GPR158: variants seen among roughly 807,000 people sequenced by gnomAD.
The protein encoded by GPR158 is G protein-coupled receptor 158.
A neutral mutation model predicts 78.2 loss-of-function variants in GPR158; 30 were observed. The ratio of observed to expected loss-of-function variants is 0.38; its 90% confidence interval spans 0.29 to 0.52. GPR158 has a LOEUF of 0.52. Ranked by LOEUF, GPR158 falls within the 20% of genes least tolerant of loss-of-function variation. The pLI, the probability that GPR158 is intolerant of heterozygous loss-of-function variation, is 0.83. For synonymous variants in GPR158, 581 were observed against 591.1 expected (o/e 0.98, Z 0.25); for missense variants, 1,463 against 1,523.5 (o/e 0.96, Z 0.66).
intron 4 of GPR158, among the ~76,000 whole-genome samples, chr10:25,438,731 G>A (rs1374722319): frequency 6.6e-6 from 1 of 152,174 alleles, no homozygotes; most frequent in Non-Finnish European, 1.5e-5. Flanking sequence ...TGGTTTCAAG[G>A]CATCTTGAGC....
In GPR158 at chr10:25,495,476, T is replaced by C. The variant is rs985906248; in HGVS notation, c.1404+28757T>C. Among the ~76,000 whole-genome samples the C allele has an allele frequency of 5.3e-5, 8 of 151,812 alleles. 1 individual carries two copies. Among genetic ancestry groups the C allele is most frequent in the Admixed American group, 4.6e-4 (7 of 15,222 alleles). ...CCCGGCCAATTTTTTGTATTTTTAG[T>C]AGAGACAGGGTTTCACCATGTTAGC... On this transcript the variant is annotated intron_variant, in intron 5 of 10. Coordinates refer to ENST00000376351, the MANE Select transcript of GPR158 (RefSeq NM_020752.3).
chr10:25,540,133 G>A (rs1836557663), intron 5 of GPR158, among the ~76,000 whole-genome samples: 1 of 152,074 alleles, frequency 6.6e-6, no homozygotes, highest in Admixed American at 6.6e-5. Flanking sequence ...GTGGGCGAAG[G>A]ATATGAACAG....
chr10:25,254,765 G>T (rs766063481), intron 2 of GPR158, among the ~76,000 whole-genome samples: 2 of 152,148 alleles, frequency 1.3e-5, no homozygotes, highest in Non-Finnish European at 2.9e-5. Flanking sequence ...CTTTTTGAAA[G>T]CATATTAGTG....
intron 5 of GPR158, among the ~76,000 whole-genome samples, chr10:25,536,866 A>G (rs752247625): frequency 3.3e-5 from 5 of 152,218 alleles, no homozygotes; most frequent in Non-Finnish European, 7.3e-5. Context: ...GGGGCTTGTC[A>G]GAAATGCATC....
At chr10:25,197,222 G>A (rs913086392) in intron 1 of GPR158, among the ~76,000 whole-genome samples, 3 of 152,210 alleles carry the variant, frequency 2.0e-5, no homozygotes, top group Middle Eastern at 3.4e-3. Context: ...TATCACATTC[G>A]CCCTTTTACT....
intron 3 of GPR158, among the ~76,000 whole-genome samples, chr10:25,405,697 A>C (rs1834506123): frequency 6.6e-6 from 1 of 150,920 alleles, no homozygotes; most frequent in Non-Finnish European, 1.5e-5. Context: ...AGAGGGTTCT[A>C]CTCTTTAAGT....
chr10:25,311,339 A>G (rs1854761354), intron 2 of GPR158, among the ~76,000 whole-genome samples: 1 of 151,856 alleles, frequency 6.6e-6, no homozygotes, highest in South Asian at 2.1e-4. Flanking sequence ...ACATTATTCT[A>G]TATCCCTCAG....
At chr10:25,433,558 TG>T (rs1311816443) in intron 4 of GPR158, among the ~76,000 whole-genome samples, 970 of 84,772 alleles carry the variant, frequency 0.011, 13 homozygotes, top group African/African-American at 0.035. Flanking sequence ...TGTGTGTGTG[TG>T]TGTGTGTGTG....
At chr10:25,336,375 AG>A (rs1303619423) in intron 2 of GPR158, among the ~76,000 whole-genome samples, 3 of 152,054 alleles carry the variant, frequency 2.0e-5, no homozygotes, top group African/African-American at 7.2e-5. Flanking sequence ...ATTGTGATTC[AG>A]TTGGCTGTTA....
chr10:25,357,372 C>T (rs1855568665), intron 2 of GPR158, among the ~76,000 whole-genome samples: 1 of 152,132 alleles, frequency 6.6e-6, no homozygotes, highest in Non-Finnish European at 1.5e-5. Context: ...AGACGATGGG[C>T]ACAATATCTC....
At chr10:25,504,957 A>G (rs1835992006) in intron 5 of GPR158, among the ~76,000 whole-genome samples, 1 of 152,180 alleles carries the variant, frequency 6.6e-6, no homozygotes, top group Admixed American at 6.5e-5. Context: ...CTGGAATTCA[A>G]CTGCAGCACC....
intron 1 of GPR158, among the ~76,000 whole-genome samples, chr10:25,210,761 C>T (rs1853118460): frequency 6.6e-6 from 1 of 152,086 alleles, no homozygotes; most frequent in South Asian, 2.1e-4. Context: ...GACATTATAT[C>T]CTTGTAAATT....
At chr10:25,272,192 G>A (rs1300230339) in intron 2 of GPR158, among the ~76,000 whole-genome samples, 1 of 152,152 alleles carries the variant, frequency 6.6e-6, no homozygotes, top group East Asian at 1.9e-4. Context: ...ATGTAATTCA[G>A]TAATGTTCCC....
intron 5 of GPR158, among the ~76,000 whole-genome samples, chr10:25,477,485 C>T (rs117081438): frequency 1.3e-5 from 2 of 152,172 alleles, no homozygotes; most frequent in East Asian, 1.9e-4. Flanking sequence ...CTGCAATCTG[C>T]GTTTTCTCCA....
At chr10:25,265,803 T>A (rs1854038085) in intron 2 of GPR158, among the ~76,000 whole-genome samples, 1 of 152,164 alleles carries the variant, frequency 6.6e-6, no homozygotes, top group African/African-American at 2.4e-5. Flanking sequence ...AACAAAACTT[T>A]CTTCCTTGGT....
intron 3 of GPR158, among the ~76,000 whole-genome samples, chr10:25,406,064 C>T (rs1834511322): frequency 6.6e-6 from 1 of 152,144 alleles, no homozygotes; most frequent in South Asian, 2.1e-4. Context: ...ATACTGTTGA[C>T]TCACCTTAGA....
intron 7 of GPR158, among the ~76,000 whole-genome samples, chr10:25,580,872 C>T (rs1837183348): frequency 6.6e-6 from 1 of 152,016 alleles, no homozygotes; most frequent in African/African-American, 2.4e-5. Flanking sequence ...ACTACAGGTG[C>T]ACCACCATAT....
At chr10:25,275,790 G>A (rs1399209432) in intron 2 of GPR158, among the ~76,000 whole-genome samples, 1 of 152,124 alleles carries the variant, frequency 6.6e-6, no homozygotes, top group East Asian at 1.9e-4. Flanking sequence ...CATTTTACAT[G>A]TGGAGAAAAT....
chr10:25,230,730 C>G (rs906180868), intron 2 of GPR158, among the ~76,000 whole-genome samples: 7 of 152,096 alleles, frequency 4.6e-5, no homozygotes, highest in African/African-American at 1.7e-4. Context: ...GTAACTGGAA[C>G]TTTTTAATAA....
Sources: allele counts gnomAD v4.1 joint callset (sites outside exome capture counted in the v4.1 genomes callset), GRCh38; gene constraint gnomAD v4.1.1; transcripts MANE v1.5; gene names NCBI Gene and HGNC (gene_info 2026-07-23, HGNC 2026-07-21).